The following INPP4B variants were observed in gnomAD, a reference collection of about 807,000 sequenced individuals.
INPP4B encodes the protein inositol polyphosphate 4-phosphatase type II.
In INPP4B, 55 loss-of-function variants were observed where a neutral mutation model predicts 122.5. That is an observed-to-expected ratio of 0.45 (90% CI 0.36 to 0.56). The LOEUF is 0.56. Ranked by LOEUF, INPP4B falls within the 20% of genes least tolerant of loss-of-function variation. INPP4B has a pLI of 0.00. For synonymous variants in INPP4B, 403 were observed against 388.7 expected (o/e 1.04, Z -0.43); for missense variants, 1,000 against 1,097.7 (o/e 0.91, Z 1.26).
intron 3 of INPP4B, among the ~76,000 whole-genome samples, chr4:142,444,343 G>A (rs534862769): frequency 1.3e-5 from 2 of 152,180 alleles, no homozygotes; most frequent in East Asian, 3.9e-4. Context: ...AAAAGTGTGG[G>A]CGTAGGATAT....
At chr4:142,553,160 C>T (rs1465768306) in intron 2 of INPP4B, among the ~76,000 whole-genome samples, 2 of 152,016 alleles carry the variant, frequency 1.3e-5, no homozygotes, top group East Asian at 3.9e-4. Flanking sequence ...CTTACTTGGC[C>T]CTTCAATGCC....
chr4:142,152,856 G>A (rs977531209), intron 17 of INPP4B, among the ~76,000 whole-genome samples: 2 of 152,170 alleles, frequency 1.3e-5, no homozygotes, highest in Admixed American at 6.5e-5. Flanking sequence ...TTACTTAAAT[G>A]AGATGATATG....
chr4:142,628,099 G>C (rs1403497077), intron 2 of INPP4B, among the ~76,000 whole-genome samples: 2 of 151,578 alleles, frequency 1.3e-5, no homozygotes, highest in Non-Finnish European at 2.9e-5. Context: ...CTGCTATAAA[G>C]ACACATGCAC....
chr4:142,687,894 G>A (rs1057303629), intron 2 of INPP4B, among the ~76,000 whole-genome samples: 2 of 152,046 alleles, frequency 1.3e-5, no homozygotes, highest in Non-Finnish European at 2.9e-5. Flanking sequence ...AACAATGCTC[G>A]TGTGTTTCTC....
chr4:142,680,777 T>A (rs775253288), intron 2 of INPP4B, among the ~76,000 whole-genome samples: 4 of 151,862 alleles, frequency 2.6e-5, no homozygotes, highest in Admixed American at 6.6e-5. Context: ...CTCCCAAGCA[T>A]CTCATTTTGG....
chr4:142,638,371 C>T (rs1164591787), intron 2 of INPP4B, among the ~76,000 whole-genome samples: 1 of 152,008 alleles, frequency 6.6e-6, no homozygotes, highest in Non-Finnish European at 1.5e-5. Flanking sequence ...TTTTCATGAA[C>T]GGTATAAAAT....
intron 2 of INPP4B, among the ~76,000 whole-genome samples, chr4:142,577,868 A>G (rs1734192767): frequency 6.6e-6 from 1 of 151,968 alleles, no homozygotes; most frequent in South Asian, 2.1e-4. Context: ...TGGGTTCCCT[A>G]ACATGGCTGT....
At chr4:142,543,766 G>C (rs1829213713) in intron 2 of INPP4B, among the ~76,000 whole-genome samples, 1 of 152,064 alleles carries the variant, frequency 6.6e-6, no homozygotes, top group Admixed American at 6.6e-5. Flanking sequence ...TATATAGTTA[G>C]TGAAATGTTT....
chr4:142,235,485 G>C (rs1238034390), intron 12 of INPP4B, among the ~76,000 whole-genome samples: 2 of 152,008 alleles, frequency 1.3e-5, no homozygotes, highest in Non-Finnish European at 2.9e-5. Context: ...GCAGTGGCGC[G>C]ATCTCAGCTC....
At chr4:142,136,859 A>C (rs1032869636) in intron 18 of INPP4B, among the ~76,000 whole-genome samples, 1 of 152,190 alleles carries the variant, frequency 6.6e-6, no homozygotes, top group African/African-American at 2.4e-5. Flanking sequence ...ATCTATATAC[A>C]AAACCGCTGT....
At chr4:142,635,425 C>T (rs1412725434) in intron 2 of INPP4B, among the ~76,000 whole-genome samples, 1 of 152,164 alleles carries the variant, frequency 6.6e-6, no homozygotes, top group Non-Finnish European at 1.5e-5. Context: ...CATTGCAGCA[C>T]TATTCACAAT....
intron 3 of INPP4B, among the ~76,000 whole-genome samples, chr4:142,451,917 G>A (rs1814333824): frequency 6.6e-6 from 1 of 152,154 alleles, no homozygotes; most frequent in South Asian, 2.1e-4. Context: ...CTATCTCTGT[G>A]ACAAGGCACC....
chr4:142,537,458 AG>A (rs1828402436), intron 2 of INPP4B, among the ~76,000 whole-genome samples: 1 of 121,920 alleles, frequency 8.2e-6, no homozygotes, highest in Non-Finnish European at 1.7e-5. Flanking sequence ...AGAGAGAGAG[AG>A]AGAGAGAGAG....
At chr4:142,376,452 C>T (rs1791881820) in intron 7 of INPP4B, among the ~76,000 whole-genome samples, 1 of 151,948 alleles carries the variant, frequency 6.6e-6, no homozygotes, top group Non-Finnish European at 1.5e-5. Context: ...TGTAAGGTAG[C>T]ATTATCAAAA....
intron 15 of INPP4B, among the ~76,000 whole-genome samples, chr4:142,192,116 C>T (rs1454912488): frequency 4.6e-5 from 7 of 151,382 alleles, no homozygotes; most frequent in Non-Finnish European, 1.5e-5. Flanking sequence ...CTATTTTTCC[C>T]TAACTTTCAA....
chr4:142,766,784 T>C (rs1210925995), intron 1 of INPP4B: 3 of 152,136 alleles, frequency 2.0e-5, no homozygotes, highest in Non-Finnish European at 4.4e-5. Flanking sequence ...AGAGATTGTG[T>C]CCATGGATTT....
intron 1 of INPP4B, among the ~76,000 whole-genome samples, chr4:142,842,603 G>A (rs1783638752): frequency 7.5e-6 from 1 of 134,054 alleles, no homozygotes; most frequent in African/African-American, 2.8e-5. Flanking sequence ...ATTATTATAT[G>A]TATAATATAT....
intron 18 of INPP4B, among the ~76,000 whole-genome samples, chr4:142,128,690 C>G (rs1028896631): frequency 1.3e-5 from 2 of 152,128 alleles, no homozygotes; most frequent in Non-Finnish European, 1.5e-5. Flanking sequence ...GCCATCCAAG[C>G]ACAGCCTCTG....
intron 7 of INPP4B, among the ~76,000 whole-genome samples, chr4:142,386,042 T>C (rs2148920694): frequency 6.6e-6 from 1 of 152,294 alleles, no homozygotes; most frequent in South Asian, 2.1e-4. Context: ...TCTCTGCACT[T>C]TCTTCCTCCA....
Sources: allele counts gnomAD v4.1 joint callset (sites outside exome capture counted in the v4.1 genomes callset), GRCh38; gene constraint gnomAD v4.1.1; transcripts MANE v1.5; gene names NCBI Gene and HGNC (gene_info 2026-07-23, HGNC 2026-07-21).